The following TBC1D24 variants were observed in gnomAD, a reference collection of about 807,000 sequenced individuals.
TBC1D24 encodes TBC1 domain family member 24, also known as Infantile myoclonic epilepsy.
In TBC1D24, 47 loss-of-function variants were observed where a neutral mutation model predicts 50.7. That is an observed-to-expected ratio of 0.93 (90% CI 0.73 to 1.18). TBC1D24 has a LOEUF of 1.18. Among genes scored for constraint, TBC1D24 ranks in the 50% most tolerant of loss-of-function variants. The probability of loss-of-function intolerance (pLI) is 0.00; values close to 1 mark genes in which losing one functional copy is unlikely to be tolerated. For synonymous variants in TBC1D24, 324 were observed against 335.2 expected, an observed-to-expected ratio of 0.97 and a Z score of 0.36; for missense variants, 688 against 766.5, an observed-to-expected ratio of 0.90 and a Z score of 1.21.
rs1427564204 is a variant in TBC1D24, at chr16:2,475,218, G to GGCGGGTT, written c.-116+53_-116+54insTTGCGGG. 2 of 149,280 alleles carry GGCGGGTT rather than the reference G, an allele frequency of 1.3e-5. No homozygotes were observed. Among genetic ancestry groups the GGCGGGTT allele is most frequent in the African/African-American group, 4.9e-5 (2 of 41,066 alleles). 9.2% of individuals were successfully genotyped at this position (149,280 alleles called of 1,614,324 possible). ...GGGGGCGCGCGGCGGGGTGGCGGGT[G>GGCGGGTT]GCGGGGCCGGGTCCCCGCTGTCACC... is the stretch of plus-strand genomic sequence containing the variant. On this transcript the variant is annotated intron_variant, in intron 1 of 7. Coordinates refer to ENST00000646147, the MANE Select transcript of TBC1D24 (RefSeq NM_001199107.2). This position sits in a 1 kb window ranked among gnomAD's most constrained non-coding sequence, Gnocchi z 4.2.
At position 2,500,665 on chromosome 16, in the gene TBC1D24, C is replaced by T. The variant is rs531796974; in HGVS notation, c.1526-139C>T. 7.4e-6 allele frequency: 10 copies of T among 1,348,304 alleles called. No individual in the cohort carries two copies. The East Asian group carries it at 1.8e-4, about 24-fold the overall frequency. The allele number at this position is 1,348,304 out of a possible 1,614,324, so 83.5% of individuals were successfully genotyped here. A position where few individuals can be genotyped will look rare whatever the true frequency, so the allele number is the denominator to read the frequency against. On this transcript the variant is annotated intron_variant, in intron 7 of 7. Transcript: ENST00000646147. This position sits in a 1 kb window ranked among gnomAD's most constrained non-coding sequence, Gnocchi z 8.0. Reference sequence around the variant, plus strand: ...GGAGAGACCAGCCTGGACAGCTGGTCCTGGGGGCTATGGAGGGTCAACGGT... The same window carrying T: ...GGAGAGACCAGCCTGGACAGCTGGTTCTGGGGGCTATGGAGGGTCAACGGT...
At chr16:2,478,484 G>C (rs1270477491) in intron 1 of TBC1D24, 1 of 152,338 alleles carries the variant, frequency 6.6e-6, no homozygotes, top group African/African-American at 2.4e-5. Flanking sequence ...GCGAGACTGG[G>C]CAGTAAGCAT....
At position 2,482,582 on chromosome 16, in the gene TBC1D24, G is replaced by A. The variant is rs533459737; in HGVS notation, c.-116+7412G>A. 2.0e-5 allele frequency among the ~76,000 whole-genome samples: 3 copies of A among 152,292 alleles called. No individual in the cohort carries two copies. The highest frequency in any genetic ancestry group is 4.8e-5 in the African/African-American group (2 of 41,558). On this transcript the variant is annotated intron_variant, in intron 1 of 7. Transcript: ENST00000646147. The surrounding 1 kb of genome is among the most constrained non-coding windows in gnomAD (Gnocchi z 5.2). ...AGGGAGGGGCTGGGTCCTGAAGGGC[G>A]GGGGACACCAGGAGAGGGTTTCGGG...
rs780947309 is a variant in TBC1D24 at position 2,498,353 on chromosome 16, C to T, written c.1099C>T (p.Leu367Phe). ...CGAGCGCTTTGCCCTGTGCCAGCCC[C>T]TTCTGCTGTTCTCCTCCCTGCAGCA... ...VPERFALCQP[L>F]LLFSSLQHGY... Residue 367 changes from leucine (L) to phenylalanine (F), a missense_variant, in exon 4 of 8, where the codon CTT becomes TTT. Leu to Phe is a conservative substitution (Grantham distance 22). Coordinates refer to ENST00000646147, the MANE Select transcript of TBC1D24 (RefSeq NM_001199107.2). 2 of 1,609,844 alleles carry T rather than the reference C, an allele frequency of 1.2e-6. No homozygotes were observed. Among genetic ancestry groups the T allele is most frequent in the Non-Finnish European group, 1.7e-6 (2 of 1,178,260 alleles).
In TBC1D24 at chr16:2,487,176, T is replaced by TGCCTCCACACCTTTCC. The variant is rs1468708658; in HGVS notation, c.-115-8854_-115-8839dup. On this transcript the variant is annotated intron_variant, in intron 1 of 7. Transcript: ENST00000646147. The surrounding 1 kb of genome is among the most constrained non-coding windows in gnomAD (Gnocchi z 4.1). ...AGGGGCACCGTCCCCACCCACAGGC[T>TGCCTCCACACCTTTCC]GCCTCCACACCTTTCCGCCCCTTCC... Among the ~76,000 whole-genome samples the TGCCTCCACACCTTTCC allele has an allele frequency of 6.6e-6, 1 of 152,226 alleles. No individual in the cohort carries two copies. Among genetic ancestry groups the TGCCTCCACACCTTTCC allele is most frequent in the Non-Finnish European group, 1.5e-5 (1 of 68,024 alleles).
Position 2,487,728 on chromosome 16 carries a change from G to A in TBC1D24, c.-115-8306G>A, listed in dbSNP as rs568812369. Reference sequence around the variant, plus strand: ...TTGGTGTTGGAGTTTGGTGTTTGGGGATGGCAGGTGGTGTTACTAGTGGCA... The same window carrying A: ...TTGGTGTTGGAGTTTGGTGTTTGGGAATGGCAGGTGGTGTTACTAGTGGCA... On this transcript the variant is annotated intron_variant, in intron 1 of 7. Transcript: ENST00000646147. This position sits in a 1 kb window ranked among gnomAD's most constrained non-coding sequence, Gnocchi z 4.1. Among the ~76,000 whole-genome samples the A allele has an allele frequency of 6.6e-6, 1 of 151,402 alleles. No homozygotes were observed. The highest frequency in any genetic ancestry group is 1.5e-5 in the Non-Finnish European group (1 of 67,996).
rs1430700199 is a variant in TBC1D24 at position 2,482,980 on chromosome 16, G to A, written c.-116+7810G>A. ...TGGCTCAGAAGGAAAACGGAGAAGA[G>A]GTGGAGCTGGAGTGGAGCCTCAGGC... is the stretch of plus-strand genomic sequence containing the variant. On this transcript the variant is annotated intron_variant, in intron 1 of 7. Transcript: ENST00000646147. The surrounding 1 kb of genome is among the most constrained non-coding windows in gnomAD (Gnocchi z 5.2). 1 of 152,990 alleles carries A rather than the reference G, an allele frequency of 6.5e-6. No individual in the cohort carries two copies. The highest frequency in any genetic ancestry group is 1.9e-4 in the East Asian group (1 of 5,208). 9.5% of individuals were successfully genotyped at this position (152,990 alleles called of 1,614,324 possible).
intron 1 of TBC1D24, among the ~76,000 whole-genome samples, chr16:2,494,734 ACTCTAT>A (rs1358595843): frequency 2.6e-5 from 4 of 151,874 alleles, no homozygotes; most frequent in Non-Finnish European, 4.4e-5. Flanking sequence ...CCTTCTGGGA[ACTCTAT>A]CTCTAGCCTC....
At chr16:2,488,752 CTTT>C (rs112675396) in intron 1 of TBC1D24, among the ~76,000 whole-genome samples, 2 of 120,462 alleles carry the variant, frequency 1.7e-5, no homozygotes, top group Non-Finnish European at 1.8e-5. Flanking sequence ...CACCTGGCTG[CTTT>C]TTTTTTTTTT....
rs1047194592 is a variant in TBC1D24, at chr16:2,499,850, CT to C, written c.1223del (p.Leu408ArgfsTer39). 2 of 1,614,084 alleles carry C rather than the reference CT, an allele frequency of 1.2e-6. No homozygotes were observed. The highest frequency in any genetic ancestry group is 1.7e-6 in the Non-Finnish European group (2 of 1,179,952). ...TTTCCCCCAGGTGTGTGGTGCTTACCTGTCCACAGACTGGAGTGAGAGAAAT... is the reference window on the plus strand; with the variant it reads ...TTTCCCCCAGGTGTGTGGTGCTTACCGTCCACAGACTGGAGTGAGAGAAAT... ...TTQKEVCGAY[L>X]STDWSERNKF... On this transcript the variant is annotated frameshift_variant, in exon 6 of 8. Coordinates refer to ENST00000646147, the MANE Select transcript of TBC1D24 (RefSeq NM_001199107.2). LOFTEE classifies it high-confidence loss of function. The surrounding 1 kb of genome is among the most constrained non-coding windows in gnomAD (Gnocchi z 4.0).
In TBC1D24 at chr16:2,502,930, C is replaced by G. The variant is rs2065806294; in HGVS notation, c.*1972C>G. On this transcript the variant is annotated 3_prime_UTR_variant, in exon 8 of 8. Transcript: ENST00000646147. ...CTCCGGGGGCTTCCTGGGCCTACAG[C>G]CAAGCAGGTGTGGGAGGCTGCCCGC... is the stretch of plus-strand genomic sequence containing the variant. 1.3e-5 allele frequency: 2 copies of G among 152,568 alleles called. No individual in the cohort carries two copies. Among genetic ancestry groups the G allele is most frequent in the Admixed American group, 1.3e-4 (2 of 15,292 alleles). 9.5% of individuals were successfully genotyped at this position (152,568 alleles called of 1,614,324 possible). A position where few individuals can be genotyped will look rare whatever the true frequency, so the allele number is the denominator to read the frequency against.
rs545689324 is a variant in TBC1D24 at position 2,496,957 on chromosome 16, G to T, written c.809G>T (p.Arg270Leu). The change falls in exon 2 of 8, where the codon CGC becomes CTC. Residue 270 changes from arginine (R) to leucine (L), a missense_variant. Physicochemically the swap from Arg to Leu is moderately radical, Grantham distance 102 (BLOSUM62 -2). Transcript: ENST00000646147. Reference sequence around the variant, plus strand: ...TCGGACAGCGTGAAGCAGGACATCCGCACGTTCGTCAGAGACATCGCGAAG... The same window carrying T: ...TCGGACAGCGTGAAGCAGGACATCCTCACGTTCGTCAGAGACATCGCGAAG... The part of the protein sequence containing the change: ...LESDSVKQDI[R>L]TFVRDIAKTV... The T allele has an allele frequency of 1.2e-6, 2 of 1,614,016 alleles. No homozygotes were observed. The highest frequency in any genetic ancestry group is 2.2e-5 in the East Asian group (1 of 44,888).
At chr16:2,492,607 C>T (rs867111903) in intron 1 of TBC1D24, among the ~76,000 whole-genome samples, 4 of 152,140 alleles carry the variant, frequency 2.6e-5, no homozygotes, top group African/African-American at 9.7e-5. Flanking sequence ...CCGACCGACA[C>T]GTGTAAGATT....
At chr16:2,488,148 C>T (rs1317528478) in intron 1 of TBC1D24, among the ~76,000 whole-genome samples, 2 of 152,234 alleles carry the variant, frequency 1.3e-5, no homozygotes, top group Non-Finnish European at 2.9e-5. Context: ...CAGCCCTGGC[C>T]GCCTTCCTCT....
chr16:2,496,726 C>A lies in TBC1D24; in HGVS notation c.578C>A (p.Ala193Glu). Residue 193 changes from alanine (A) to glutamate (E), a missense_variant, in exon 2 of 8, where the codon GCG (alanine) becomes GAG (glutamate). Transcript: ENST00000646147. Reference protein sequence around the residue: ...FGDLVNKYCQAAHKLMVAVSE... With the variant: ...FGDLVNKYCQEAHKLMVAVSE... Reference sequence around the variant, plus strand: ...GACCTGGTGAACAAGTACTGCCAGGCGGCCCACAAGCTGATGGTGGCCGTG... The same window carrying A: ...GACCTGGTGAACAAGTACTGCCAGGAGGCCCACAAGCTGATGGTGGCCGTG... 6.2e-7 allele frequency: 1 copy of A among 1,613,694 alleles called. No individual in the cohort carries two copies. The highest frequency in any genetic ancestry group is 8.5e-7 in the Non-Finnish European group (1 of 1,180,044).
Position 2,500,841 on chromosome 16 carries a change from C to A in TBC1D24, c.1563C>A (p.Asp521Glu). ...GCCAGGCGCTCTACATCGATGGGGA[C>A]CTGAACCGGGGCCGCACAAGCCACT... is the stretch of plus-strand genomic sequence containing the variant. ...GGGQALYIDG[D>E]LNRGRTSHCD... The change falls in exon 8 of 8, where the codon GAC becomes GAA. Residue 521 changes from aspartate to glutamate, a missense_variant. By Grantham distance (45) the Asp-to-Glu change is conservative. Transcript: ENST00000646147. The surrounding 1 kb of genome is among the most constrained non-coding windows in gnomAD (Gnocchi z 8.0). The A allele has an allele frequency of 6.2e-7, 1 of 1,609,232 alleles. No individual in the cohort carries two copies. The highest frequency in any genetic ancestry group is 1.1e-5 in the South Asian group (1 of 91,062).
rs907693190 is a variant in TBC1D24 at position 2,500,688 on chromosome 16, G to C, written c.1526-116G>C. ...GTCCTGGGGGCTATGGAGGGTCAAC[G>C]GTCTGTGCGGTTTCAGAGAGGCCCG... On this transcript the variant is annotated intron_variant, in intron 7 of 7. Transcript: ENST00000646147. The surrounding 1 kb of genome is among the most constrained non-coding windows in gnomAD (Gnocchi z 8.0). 2 of 1,425,618 alleles carry C rather than the reference G, an allele frequency of 1.4e-6. No individual in the cohort carries two copies. The highest frequency in any genetic ancestry group is 2.5e-5 in the East Asian group (1 of 40,298). 88.3% of individuals were successfully genotyped at this position (1,425,618 alleles called of 1,614,324 possible). A position where few individuals can be genotyped will look rare whatever the true frequency, so the allele number is the denominator to read the frequency against.
chr16:2,489,733 G>A (rs2065681047), intron 1 of TBC1D24, among the ~76,000 whole-genome samples: 1 of 152,178 alleles, frequency 6.6e-6, no homozygotes, highest in Non-Finnish European at 1.5e-5. Context: ...GGACCGTGAT[G>A]TCCCAGGCAT....
intron 4 of TBC1D24, 126 bp downstream of exon 4, chr16:2,498,522 G>C: frequency 1.1e-6 from 1 of 917,256 alleles, no homozygotes; most frequent in Non-Finnish European, 1.6e-6. Flanking sequence ...TGGGGCCTAA[G>C]AATCAGGGTC....
Sources: gnomAD v4.1 joint callset for allele counts (sites outside exome capture counted in the v4.1 genomes callset) on GRCh38, gnomAD v4.1.1 for gene constraint, Gnocchi (gnomAD v3.1) non-coding constraint, MANE v1.5 for transcripts, NCBI Gene and HGNC (gene_info 2026-07-23, HGNC 2026-07-21) for gene names.